The following GRIP1 variants were observed in gnomAD, a reference collection of about 807,000 sequenced individuals.
The protein encoded by GRIP1 is glutamate receptor-interacting protein 1.
GRIP1 carries 45 observed loss-of-function variants against 129.9 expected under a neutral mutation model. That is an observed-to-expected ratio of 0.35 (90% CI 0.27 to 0.44). GRIP1 has a LOEUF of 0.44. Ranked by LOEUF, GRIP1 falls within the 20% of genes least tolerant of loss-of-function variation. GRIP1 has a pLI of 1.00. For synonymous variants in GRIP1, 530 were observed against 520.8 expected (o/e 1.02, Z -0.24); for missense variants, 1,196 against 1,396.8 (o/e 0.86, Z 2.29).
chr12:66,806,425 T>C (rs111686125), upstream of GRIP1, among the ~76,000 whole-genome samples: 1 of 152,318 alleles, frequency 6.6e-6, no homozygotes, highest in Non-Finnish European at 1.5e-5. Context: ...GTTTATGTGA[T>C]TAATTCAAGT....
intron 1 of GRIP1, among the ~76,000 whole-genome samples, chr12:66,606,516 T>C (rs1352402747): frequency 6.6e-6 from 1 of 152,150 alleles, no homozygotes; most frequent in Non-Finnish European, 1.5e-5. Flanking sequence ...ACTTTATAAA[T>C]AATTAGAGCT....
chr12:66,756,185 C>G (rs2037282527), intron 1 of GRIP1, among the ~76,000 whole-genome samples: 1 of 152,156 alleles, frequency 6.6e-6, no homozygotes, highest in Non-Finnish European at 1.5e-5. Flanking sequence ...CACCAAATCC[C>G]CATTTCCCCT....
At chr12:66,680,807 G>T (rs1200612685), upstream of GRIP1, among the ~76,000 whole-genome samples, 2 of 152,010 alleles carry the variant, frequency 1.3e-5, no homozygotes, top group Non-Finnish European at 2.9e-5. Flanking sequence ...GTAGAATCTT[G>T]CCTGTGGAAC....
chr12:67,026,449 A>G (rs1275543390), intron 1 of GRIP1, among the ~76,000 whole-genome samples: 1 of 152,244 alleles, frequency 6.6e-6, no homozygotes, highest in African/African-American at 2.4e-5. Context: ...AATGAGGTTA[A>G]TAACCGTATC....
chr12:66,832,429 T>C (rs958760566), intron 1 of GRIP1, among the ~76,000 whole-genome samples: 23 of 152,180 alleles, frequency 1.5e-4, no homozygotes, highest in African/African-American at 5.3e-4. Flanking sequence ...ACATTCATCC[T>C]TCTAAATCAA....
intron 1 of GRIP1, among the ~76,000 whole-genome samples, chr12:66,903,332 T>C (rs572742089): frequency 1.3e-5 from 2 of 151,720 alleles, no homozygotes; most frequent in South Asian, 2.1e-4. Flanking sequence ...AGTCTGTGTA[T>C]GGCAATACTT....
chr12:66,393,407 C>T (rs2056669507), intron 17 of GRIP1, among the ~76,000 whole-genome samples: 1 of 151,944 alleles, frequency 6.6e-6, no homozygotes, highest in South Asian at 2.1e-4. Flanking sequence ...GAACTGACCT[C>T]GTGATCCATC....
chr12:66,814,447 T>C (rs2039165717), intron 1 of GRIP1, among the ~76,000 whole-genome samples: 1 of 152,164 alleles, frequency 6.6e-6, no homozygotes, highest in African/African-American at 2.4e-5. Context: ...ATCTGCTTAT[T>C]TAACTGTGAG....
chr12:66,352,592 G>A (rs148945625), intron 24 of GRIP1, among the ~76,000 whole-genome samples: 2,278 of 152,134 alleles, frequency 0.015, 64 homozygotes, highest in African/African-American at 0.052. Context: ...AATTAGCCAC[G>A]CATGGTGGTG....
At chr12:66,645,032 C>T (rs2032243217) in intron 1 of GRIP1, among the ~76,000 whole-genome samples, 1 of 151,996 alleles carries the variant, frequency 6.6e-6, no homozygotes, top group African/African-American at 2.4e-5. Flanking sequence ...AATTTATTTC[C>T]CCAATGGCTT....
At chr12:66,818,300 T>C (rs544801995) in intron 1 of GRIP1, among the ~76,000 whole-genome samples, 1 of 152,326 alleles carries the variant, frequency 6.6e-6, no homozygotes, top group South Asian at 2.1e-4. Flanking sequence ...TCAGTAAGTA[T>C]ATTAGGAAGC....
chr12:66,830,877 ACT>A (rs2039504610), intron 1 of GRIP1, among the ~76,000 whole-genome samples: 1 of 144,124 alleles, frequency 6.9e-6, no homozygotes. Flanking sequence ...ACAGGGTCTC[ACT>A]CTCTCACCCC....
At chr12:66,897,869 C>T (rs1448258674) in intron 1 of GRIP1, among the ~76,000 whole-genome samples, 2 of 151,984 alleles carry the variant, frequency 1.3e-5, no homozygotes. Flanking sequence ...TTTGTAAAAC[C>T]AAGTAATAAT....
chr12:66,915,128 C>A (rs1345647394), intron 1 of GRIP1, among the ~76,000 whole-genome samples: 1 of 152,140 alleles, frequency 6.6e-6, no homozygotes, highest in Non-Finnish European at 1.5e-5. Context: ...ACATATTGGA[C>A]AGAAAGTCCA....
At chr12:66,465,183 T>C in intron 8 of GRIP1, 92 bp downstream of exon 8, 1 of 1,034,026 alleles carries the variant, frequency 9.7e-7, no homozygotes, top group Non-Finnish European at 1.5e-6. Flanking sequence ...TGACCTCAGG[T>C]GATTCACCCG....
intron 1 of GRIP1, among the ~76,000 whole-genome samples, chr12:66,991,701 G>A (rs1455445388): frequency 2.6e-5 from 4 of 152,052 alleles, no homozygotes; most frequent in Non-Finnish European, 5.9e-5. Flanking sequence ...AGAGACAGCT[G>A]GATATTTAAT....
intron 1 of GRIP1, among the ~76,000 whole-genome samples, chr12:66,928,788 ATAT>A (rs2041338592): frequency 6.6e-6 from 1 of 152,370 alleles, no homozygotes; most frequent in East Asian, 1.9e-4. Context: ...CTAGTGCAGA[ATAT>A]TATTGACATA....
intron 9 of GRIP1, among the ~76,000 whole-genome samples, chr12:66,456,948 G>A (rs774188381): frequency 1.1e-4 from 17 of 152,000 alleles, no homozygotes; most frequent in Non-Finnish European, 1.8e-4. Context: ...GACTAATAAG[G>A]AGAAGATAAA....
chr12:66,860,761 C>T (rs1045551760), intron 1 of GRIP1, among the ~76,000 whole-genome samples: 2 of 151,980 alleles, frequency 1.3e-5, no homozygotes, highest in Non-Finnish European at 2.9e-5. Flanking sequence ...ATGCATATTG[C>T]GATACATAAT....
Sources: allele counts gnomAD v4.1 joint callset (sites outside exome capture counted in the v4.1 genomes callset), GRCh38; gene constraint gnomAD v4.1.1; transcripts MANE v1.5; gene names NCBI Gene and HGNC (gene_info 2026-07-23, HGNC 2026-07-21).